The following DACH2 variants were observed in gnomAD, a reference collection of about 807,000 sequenced individuals.
DACH2 encodes the protein dachshund family transcription factor 2, also known as dachshund homolog 2.
DACH2 carries 17 observed loss-of-function variants against 35.8 expected under a neutral mutation model. That is an observed-to-expected ratio of 0.48 (90% CI 0.33 to 0.71). DACH2 has a LOEUF of 0.71. Among genes scored for constraint, DACH2 ranks in the 30% least tolerant of loss-of-function variants. The pLI, the probability that DACH2 is intolerant of heterozygous loss-of-function variation, is 0.02. For synonymous variants in DACH2, 195 were observed against 177.3 expected (o/e 1.10, Z -0.79); for missense variants, 469 against 472.7 (o/e 0.99, Z 0.07).
chrX:86,544,927 C>T (rs1389430817), intron 3 of DACH2, among the ~76,000 whole-genome samples: 3 of 112,017 alleles, frequency 2.7e-5, no homozygotes, highest in African/African-American at 6.5e-5. Context: ...CTCAACTTCC[C>T]GAATAGCTGG....
rs770902962 is a variant in DACH2, at chrX:86,609,228, T to A, written c.641-41808T>A. 2.4e-3 allele frequency among the ~76,000 whole-genome samples: 274 copies of A among 112,245 alleles called. 1 individual carries two copies. Among genetic ancestry groups the A allele is most frequent in the African/African-American group, 8.4e-3 (261 of 30,976 alleles). On this transcript the variant is annotated intron_variant, in intron 3 of 11. Transcript: ENST00000373125. ...GCCTGATGTCAAGCTCACAGATTGT[T>A]TTTTCTTCTTGATAATTCTGCTTTT...
intron 7 of DACH2, among the ~76,000 whole-genome samples, chrX:86,785,748 G>A (rs924172912): frequency 8.1e-5 from 9 of 111,380 alleles, no homozygotes; most frequent in Non-Finnish European, 1.3e-4. Flanking sequence ...CAAGACCACA[G>A]GTATAATTGT....
intron 2 of DACH2, among the ~76,000 whole-genome samples, chrX:86,404,406 A>T (rs2036489320): frequency 8.9e-6 from 1 of 111,904 alleles, no homozygotes; most frequent in Admixed American, 9.5e-5. Flanking sequence ...AAATGGGAGG[A>T]ATTGGCCAAA....
At chrX:86,338,263 A>G (rs2035352324) in intron 1 of DACH2, among the ~76,000 whole-genome samples, 1 of 112,009 alleles carries the variant, frequency 8.9e-6, no homozygotes, top group Non-Finnish European at 1.9e-5. Context: ...TAGAATATAC[A>G]TTCTTCTCAG....
rs191628900 is a variant in DACH2 at position 86,382,364 on chromosome X, C to A, written c.527+5502C>A. On this transcript the variant is annotated intron_variant, in intron 2 of 11. Coordinates refer to ENST00000373125, the MANE Select transcript of DACH2 (RefSeq NM_053281.3). Reference sequence around the variant, plus strand: ...ATGGGAAAGACCACTGAGTTAGAAACCAAACTGTCTAATATTACAGGAGAT... The same window carrying A: ...ATGGGAAAGACCACTGAGTTAGAAAACAAACTGTCTAATATTACAGGAGAT... Among the ~76,000 whole-genome samples the A allele has an allele frequency of 3.3e-3, 356 of 108,168 alleles. 2 individuals are homozygous for A. The highest frequency in any genetic ancestry group is 0.011 in the African/African-American group (340 of 29,802). 93.9% of individuals were successfully genotyped at this position (108,168 alleles called of 115,157 possible).
chrX:86,491,633 A>T (rs965186008), intron 2 of DACH2, among the ~76,000 whole-genome samples: 10 of 111,679 alleles, frequency 9.0e-5, no homozygotes, highest in Non-Finnish European at 1.7e-4. Context: ...TTCAGAACGT[A>T]TTTTGACCAT....
At chrX:86,202,364 G>A (rs914333495) in intron 1 of DACH2, among the ~76,000 whole-genome samples, 2 of 111,528 alleles carry the variant, frequency 1.8e-5, no homozygotes, top group Non-Finnish European at 3.8e-5. Flanking sequence ...ATTGATTCTG[G>A]CTTGTGGGAA....
At chrX:86,678,575 G>A (rs1352445688) in intron 4 of DACH2, among the ~76,000 whole-genome samples, 1 of 111,832 alleles carries the variant, frequency 8.9e-6, no homozygotes, top group Non-Finnish European at 1.9e-5. Context: ...TTCAATAATA[G>A]ATTTGGTACT....
chrX:86,292,341 G>A (rs1244393955), intron 1 of DACH2, among the ~76,000 whole-genome samples: 12 of 96,137 alleles, frequency 1.2e-4, no homozygotes, highest in South Asian at 5.7e-4. Context: ...TCTTACTAGC[G>A]GTCTATCAAT....
At chrX:86,768,932 C>T (rs1427932673) in intron 7 of DACH2, among the ~76,000 whole-genome samples, 3 of 111,085 alleles carry the variant, frequency 2.7e-5, no homozygotes, top group East Asian at 5.7e-4. Context: ...TGTGTTAATT[C>T]GCTTAATCCA....
chrX:86,381,581 G>A (rs761940763), intron 2 of DACH2, among the ~76,000 whole-genome samples: 6 of 110,662 alleles, frequency 5.4e-5, no homozygotes, highest in Non-Finnish European at 1.1e-4. Flanking sequence ...TGTGGCTTTG[G>A]ACCTCAGTTG....
At chrX:86,425,105 G>A (rs1465409950) in intron 2 of DACH2, among the ~76,000 whole-genome samples, 2 of 110,564 alleles carry the variant, frequency 1.8e-5, no homozygotes, top group African/African-American at 6.6e-5. Flanking sequence ...TTTGCATCAC[G>A]ATTCACCAGA....
At chrX:86,712,947 T>A (rs759585134) in intron 5 of DACH2, among the ~76,000 whole-genome samples, 10 of 111,622 alleles carry the variant, frequency 9.0e-5, no homozygotes, top group African/African-American at 3.2e-4. Context: ...CTTATGTAAT[T>A]CTGATAACAC....
At chrX:86,218,291 G>T in intron 1 of DACH2, among the ~76,000 whole-genome samples, 1 of 111,433 alleles carries the variant, frequency 9.0e-6, no homozygotes, top group Middle Eastern at 4.7e-3. Flanking sequence ...TATTTAAAAG[G>T]CTTATTAATA....
chrX:86,396,049 G>A (rs1213837408), intron 2 of DACH2, among the ~76,000 whole-genome samples: 1 of 111,295 alleles, frequency 9.0e-6, no homozygotes, highest in Admixed American at 9.5e-5. Flanking sequence ...TCCAGCACCT[G>A]TTGTTTCCTG....
At position 86,172,626 on chromosome X, in the gene DACH2, A is replaced by T. The variant is rs924543623; in HGVS notation, c.488+23518A>T. Among the ~76,000 whole-genome samples the T allele has an allele frequency of 8.9e-5, 10 of 112,257 alleles. 1 individual carries two copies. The Admixed American group carries it at 9.5e-4, about 11-fold the overall frequency. ...TCTGTTGTGCCTCCTCTGGTACATTATCCTCTCTATGCTGTCTCTTGAATG... is the reference window on the plus strand; with the variant it reads ...TCTGTTGTGCCTCCTCTGGTACATTTTCCTCTCTATGCTGTCTCTTGAATG... On this transcript the variant is annotated intron_variant, in intron 1 of 11. Coordinates refer to ENST00000373125, the MANE Select transcript of DACH2 (RefSeq NM_053281.3).
chrX:86,203,065 C>A (rs1489144744), intron 1 of DACH2, among the ~76,000 whole-genome samples: 5 of 110,864 alleles, frequency 4.5e-5, no homozygotes, highest in Admixed American at 2.9e-4. Flanking sequence ...TTTTTAAGGT[C>A]TCTAAGGGCA....
At chrX:86,483,389 G>T (rs1311173576) in intron 2 of DACH2, among the ~76,000 whole-genome samples, 2 of 111,529 alleles carry the variant, frequency 1.8e-5, no homozygotes, top group African/African-American at 6.5e-5. Context: ...TATATGTGGT[G>T]TCTTATAAGC....
chrX:86,731,935 A>G (rs756327596), intron 6 of DACH2, among the ~76,000 whole-genome samples: 1 of 112,444 alleles, frequency 8.9e-6, no homozygotes, highest in South Asian at 3.6e-4. Context: ...CTATAGCAAC[A>G]CTGCCCGTAA....
Sources: allele counts gnomAD v4.1 joint callset (sites outside exome capture counted in the v4.1 genomes callset), GRCh38; gene constraint gnomAD v4.1.1; transcripts MANE v1.5; gene names NCBI Gene and HGNC (gene_info 2026-07-23, HGNC 2026-07-21).